Variants in SNAP91 observed in about 807,000 individuals in gnomAD.
The protein encoded by SNAP91 is synaptosome associated protein 91, also known as clathrin coat assembly protein AP180.
A neutral mutation model predicts 100.3 loss-of-function variants in SNAP91; 27 were observed. That is an observed-to-expected ratio of 0.27 (90% CI 0.20 to 0.37). SNAP91 has a LOEUF of 0.37. SNAP91 is among the 10% of genes least tolerant of loss of function. SNAP91 has a pLI of 1.00. For missense variants in SNAP91, 986 were observed against 1,123.7 expected, an observed-to-expected ratio of 0.88 and a Z score of 1.75; for synonymous variants, 404 against 398.6, an observed-to-expected ratio of 1.01 and a Z score of -0.16.
At chr6:83,659,401 T>C (rs2098483181) in intron 5 of SNAP91, among the ~76,000 whole-genome samples, 2 of 151,456 alleles carry the variant, frequency 1.3e-5, no homozygotes, top group African/African-American at 4.8e-5. Flanking sequence ...ATAAAGGTAA[T>C]AGTGTTGAAA....
At chr6:83,590,068 G>A (rs186570047) in intron 22 of SNAP91, among the ~76,000 whole-genome samples, 42 of 152,090 alleles carry the variant, frequency 2.8e-4, no homozygotes, top group Non-Finnish European at 5.4e-4. Context: ...CCATGCTCTC[G>A]TCAGCCCCTT....
chr6:83,694,038 T>C (rs543090085), intron 2 of SNAP91, among the ~76,000 whole-genome samples: 15 of 152,330 alleles, frequency 9.8e-5, no homozygotes, highest in South Asian at 4.1e-4. Context: ...CTACCAAGAA[T>C]GGAGGAATAT....
chr6:83,658,427 G>A (rs1431459472), intron 6 of SNAP91, among the ~76,000 whole-genome samples: 1 of 152,046 alleles, frequency 6.6e-6, no homozygotes, highest in Non-Finnish European at 1.5e-5. Context: ...GGCTAGCATG[G>A]TGAGATGCCA....
At chr6:83,613,196 C>A (rs533282482) in intron 11 of SNAP91, among the ~76,000 whole-genome samples, 1 of 152,032 alleles carries the variant, frequency 6.6e-6, no homozygotes, top group Admixed American at 6.6e-5. Context: ...TTGAGATATC[C>A]CACTTACCAC....
At chr6:83,592,821 GT>G (rs1228052869) in intron 20 of SNAP91, 124 bp downstream of exon 20, 3 of 801,596 alleles carry the variant, frequency 3.7e-6, no homozygotes, top group African/African-American at 1.7e-5. Flanking sequence ...CCAAGAGTGA[GT>G]TTTTCTTTTG....
At chr6:83,650,338 T>A (rs1415612150) in intron 7 of SNAP91, among the ~76,000 whole-genome samples, 1 of 152,208 alleles carries the variant, frequency 6.6e-6, no homozygotes, top group Non-Finnish European at 1.5e-5. Context: ...GGAGACTGAA[T>A]GAATGGTTCA....
chr6:83,694,733 G>C (rs1488420611), intron 2 of SNAP91, among the ~76,000 whole-genome samples: 1 of 152,130 alleles, frequency 6.6e-6, no homozygotes, highest in African/African-American at 2.4e-5. Context: ...AGGGGGTGGA[G>C]GAAGAATCCT....
chr6:83,617,990 G>A (rs2128367618), intron 9 of SNAP91, among the ~76,000 whole-genome samples: 1 of 151,820 alleles, frequency 6.6e-6, no homozygotes, highest in East Asian at 1.9e-4. Flanking sequence ...TAATTTTGAA[G>A]GACATTGAAG....
intron 21 of SNAP91, 42 bp downstream of exon 21, chr6:83,592,412 GA>G (rs1221821800): frequency 8.4e-6 from 11 of 1,311,206 alleles, no homozygotes; most frequent in Admixed American, 2.3e-5. Flanking sequence ...TTATTCTGAA[GA>G]AAAAAAGATT....
Position 83,614,949 on chromosome 6 carries a change from A to C in SNAP91, c.879-87T>G. The C allele has an allele frequency of 5.5e-6, 6 of 1,081,786 alleles. No homozygotes were observed. In the South Asian group the frequency reaches 7.6e-5, roughly 14 times the overall value. 67.0% of individuals were successfully genotyped at this position (1,081,786 alleles called of 1,614,324 possible). On this transcript the variant is annotated intron_variant, in intron 10 of 29. Transcript: ENST00000369694. The stretch of plus-strand genomic sequence containing the variant: ...TTATTTTAAAAAATAGGGAATAAGC[A>C]AAAGACAAGTTCAAATGTGGTTTTA...
At chr6:83,648,997 G>A (rs1388206276) in intron 7 of SNAP91, among the ~76,000 whole-genome samples, 2 of 152,144 alleles carry the variant, frequency 1.3e-5, no homozygotes, top group African/African-American at 4.8e-5. Flanking sequence ...TTTTAATTAA[G>A]AAATCTTTGC....
intron 5 of SNAP91, among the ~76,000 whole-genome samples, chr6:83,660,950 T>C (rs998662121): frequency 2.0e-5 from 3 of 152,048 alleles, no homozygotes; most frequent in African/African-American, 4.8e-5. Flanking sequence ...GACTAATTTG[T>C]TTAATTTTTA....
chr6:83,666,681 A>G (rs954599832), intron 2 of SNAP91, among the ~76,000 whole-genome samples: 1 of 152,098 alleles, frequency 6.6e-6, no homozygotes, highest in Non-Finnish European at 1.5e-5. Context: ...AAGGATATCA[A>G]TAACTGTTCG....
chr6:83,655,600 C>T (rs2098382459), intron 7 of SNAP91, among the ~76,000 whole-genome samples: 1 of 152,152 alleles, frequency 6.6e-6, no homozygotes, highest in Non-Finnish European at 1.5e-5. Flanking sequence ...TTTTTACCTA[C>T]CTTTTACTTT....
chr6:83,620,844 C>T (rs1171080420), intron 9 of SNAP91, among the ~76,000 whole-genome samples: 2 of 151,554 alleles, frequency 1.3e-5, no homozygotes, highest in African/African-American at 2.4e-5. Flanking sequence ...CCCAAGTAGC[C>T]GGGACTACAG....
chr6:83,615,956 C>T (rs368812842), intron 10 of SNAP91, among the ~76,000 whole-genome samples: 1 of 152,152 alleles, frequency 6.6e-6, no homozygotes, highest in East Asian at 1.9e-4. Flanking sequence ...CTCCTGCTGT[C>T]AACCAAAATG....
intron 2 of SNAP91, among the ~76,000 whole-genome samples, chr6:83,686,460 T>C (rs2099062044): frequency 6.6e-6 from 1 of 152,234 alleles, no homozygotes; most frequent in Non-Finnish European, 1.5e-5. Flanking sequence ...AGAGTCTCTT[T>C]TGTTCAAAGC....
chr6:83,661,830 T>C (rs1345191141), intron 4 of SNAP91, among the ~76,000 whole-genome samples: 1 of 152,226 alleles, frequency 6.6e-6, no homozygotes, highest in Non-Finnish European at 1.5e-5. Flanking sequence ...CAGTACAGAA[T>C]ATGTTTTTAA....
chr6:83,561,289 C>A (rs573049906), intron 26 of SNAP91, among the ~76,000 whole-genome samples: 2 of 152,186 alleles, frequency 1.3e-5, no homozygotes, highest in Non-Finnish European at 2.9e-5. Context: ...AAGCAGTCCT[C>A]CTGCCTTGGC....
Sources: allele counts gnomAD v4.1 joint callset (sites outside exome capture counted in the v4.1 genomes callset), GRCh38; gene constraint gnomAD v4.1.1; transcripts MANE v1.5; gene names NCBI Gene and HGNC (gene_info 2026-07-23, HGNC 2026-07-21).